Variants in PRDM15 observed in about 807,000 individuals in gnomAD.
PRDM15 encodes the protein PR domain zinc finger protein 15.
In PRDM15, 64 loss-of-function variants were observed where a neutral mutation model predicts 128.6. That is an observed-to-expected ratio of 0.50 (90% confidence interval 0.41 to 0.61). PRDM15 has a LOEUF of 0.61. Ranked by LOEUF, PRDM15 falls within the 20% of genes least tolerant of loss-of-function variation. PRDM15 has a pLI of 0.00. For synonymous variants in PRDM15, 615 were observed against 621.8 expected, an observed-to-expected ratio of 0.99 and a Z score of 0.16; for missense variants, 1,242 against 1,569.1, an observed-to-expected ratio of 0.79 and a Z score of 3.52.
chr21:41,854,860 G>A lies in PRDM15; in HGVS notation c.286-42C>T, dbSNP rs757614818. On this transcript the variant is annotated intron_variant, in intron 4 of 23. Transcript: ENST00000398548. This position sits in a 1 kb window ranked among gnomAD's most constrained non-coding sequence, Gnocchi z 4.6. ...CCATGGAGAAGCCGGGGAAATGGCT[G>A]ATTACCCATCTGTGTATCAGCGTGT... The A allele has an allele frequency of 1.8e-5, 28 of 1,570,208 alleles. No individual in the cohort carries two copies. In the East Asian group the frequency reaches 5.6e-4, roughly 32 times the overall value.
chr21:41,839,337 C>T (rs931781291), intron 7 of PRDM15, among the ~76,000 whole-genome samples: 6 of 152,336 alleles, frequency 3.9e-5, no homozygotes, highest in Admixed American at 1.3e-4. Context: ...AAGTGGCTAA[C>T]GAGACAGAAA....
chr21:41,817,717 A>T (rs888728964), intron 18 of PRDM15, among the ~76,000 whole-genome samples: 1 of 152,220 alleles, frequency 6.6e-6, no homozygotes, highest in Non-Finnish European at 1.5e-5. Flanking sequence ...TAAAAAAAAA[A>T]TAGCAAAGTA....
In PRDM15 at chr21:41,810,896, G is replaced by C; in HGVS notation, c.2393-60C>G. On this transcript the variant is annotated intron_variant, in intron 19 of 23. Transcript: ENST00000398548. The surrounding 1 kb of genome is among the most constrained non-coding windows in gnomAD (Gnocchi z 6.4). ...AATGAGTGTTGTAAGTCCACATCAGGGCATGTCTTCTCCCTGACACGTTCC... is the reference window on the plus strand; with the variant it reads ...AATGAGTGTTGTAAGTCCACATCAGCGCATGTCTTCTCCCTGACACGTTCC... The C allele has an allele frequency of 6.7e-7, 1 of 1,500,820 alleles. No individual in the cohort carries two copies. The highest frequency in any genetic ancestry group is 9.3e-7 in the Non-Finnish European group (1 of 1,077,688). The allele number at this position is 1,500,820 out of a possible 1,614,324, so 93.0% of individuals were successfully genotyped here.
At chr21:41,875,398 A>G (rs1054683799) in intron 1 of PRDM15, among the ~76,000 whole-genome samples, 1 of 152,242 alleles carries the variant, frequency 6.6e-6, no homozygotes, top group Non-Finnish European at 1.5e-5. Flanking sequence ...TTTTGCCAGT[A>G]TCCCCATGAA....
In PRDM15 at chr21:41,871,071, T is replaced by C. The variant is rs369555970; in HGVS notation, c.-10+8199A>G. On this transcript the variant is annotated intron_variant, in intron 1 of 23. Coordinates refer to ENST00000398548, the MANE Select transcript of PRDM15 (RefSeq NM_001040424.3). Reference sequence around the variant, plus strand: ...TACAGACATACAGATAAAACACAGATACAGACATGTAGATAAAACACAGAT... The same window carrying C: ...TACAGACATACAGATAAAACACAGACACAGACATGTAGATAAAACACAGAT... Among the ~76,000 whole-genome samples the C allele has an allele frequency of 5.3e-5, 8 of 152,272 alleles. No individual in the cohort carries two copies. In the East Asian group the frequency reaches 9.6e-4, roughly 18 times the overall value.
Position 41,839,695 on chromosome 21 carries a change from G to A in PRDM15, c.799C>T (p.Arg267Ter), listed in dbSNP as rs757432215. 1.2e-6 allele frequency: 2 copies of A among 1,614,226 alleles called. No individual in the cohort carries two copies. The highest frequency in any genetic ancestry group is 1.7e-5 in the Admixed American group (1 of 60,028). The change falls in exon 7 of 24, where the codon CGA becomes TGA. Residue 267 changes from arginine to a stop codon, truncating the protein, a stop_gained. Transcript: ENST00000398548. LOFTEE classifies it high-confidence loss of function. ...GACACTTTGGGTTTTCTCCCCCTTC[G>A]AGGCTTTTTCTTCTGTTCTTTGGTG... ...VATKEQKKKP[R>*]RGRKPKVSKA...
chr21:41,815,561 C>T, intron 19 of PRDM15, 144 bp downstream of exon 19: 1 of 1,132,462 alleles, frequency 8.8e-7, no homozygotes, highest in Non-Finnish European at 1.2e-6. Context: ...ACCCCGGCCC[C>T]AGGAAGCTCT....
chr21:41,871,440 C>T (rs561332656), intron 1 of PRDM15: 11 of 1,442,032 alleles, frequency 7.6e-6, no homozygotes, highest in Admixed American at 4.3e-5. Flanking sequence ...GTTAAAGCCA[C>T]AGGCTGTCCC....
In PRDM15 at chr21:41,839,783, G is replaced by A. The variant is rs377662048; in HGVS notation, c.711C>T (p.Pro237=). The stretch of plus-strand genomic sequence containing the variant: ...CCCGGGGTGTGTCCTGCTCCTTCTC[G>A]GGAGCTGCTGCCTCGCTTTGGCTGC... The part of the protein sequence containing the change: ...PPGSQSEAAA[P]EKEQDTPRGE... Residue 237 remains proline (P), a synonymous_variant, in exon 7 of 24, where the codon CCC becomes CCT. Transcript: ENST00000398548. 166 of 1,614,120 alleles carry A rather than the reference G, an allele frequency of 1.0e-4. No individual in the cohort carries two copies. The highest frequency in any genetic ancestry group is 1.3e-4 in the Non-Finnish European group (148 of 1,180,056).
intron 3 of PRDM15, chr21:41,858,950 A>G (rs1426938365): frequency 1.8e-6 from 2 of 1,132,218 alleles, no homozygotes; most frequent in Non-Finnish European, 2.5e-6. Flanking sequence ...ATCACCCACA[A>G]CACCACAACC....
chr21:41,801,482 G>C lies in PRDM15; in HGVS notation c.3184C>G (p.Gln1062Glu). 1 of 1,614,216 alleles carries C rather than the reference G, an allele frequency of 6.2e-7. No homozygotes were observed. The highest frequency in any genetic ancestry group is 8.5e-7 in the Non-Finnish European group (1 of 1,180,034). The change falls in exon 24 of 24, where the codon CAG (glutamine) becomes GAG (glutamate). Residue 1062 changes from glutamine to glutamate, a missense_variant. By Grantham distance (29) the Gln-to-Glu change is conservative. This residue lies in a region of PRDM15 where 602 missense variants were observed against 788.3 expected (regional missense o/e 0.76). Coordinates refer to ENST00000398548, the MANE Select transcript of PRDM15 (RefSeq NM_001040424.3). ...GAGGCTTCCGGCTGGGGGTGGATCT[G>C]GACGTCATTTTGGCGGTTGTGCAAC... Reference protein sequence around the residue: ...AMLHNRQNDVQIHPQPEASNP... With the variant: ...AMLHNRQNDVEIHPQPEASNP...
At chr21:41,870,727 A>G (rs960834476) in intron 1 of PRDM15, 6 of 152,224 alleles carry the variant, frequency 3.9e-5, no homozygotes, top group African/African-American at 1.2e-4. Flanking sequence ...TTATTTGGGC[A>G]AAGAGCACCT....
intron 11 of PRDM15, among the ~76,000 whole-genome samples, chr21:41,831,119 A>G (rs1397630241): frequency 6.6e-6 from 1 of 152,224 alleles, no homozygotes; most frequent in African/African-American, 2.4e-5. Context: ...TCACCCATGG[A>G]CCAGCTCCCA....
rs768998241 is a variant in PRDM15, at chr21:41,801,273, C to T, written c.3393G>A (p.Ala1131=). The part of the protein sequence containing the change: ...PQQAAQPQVQ[A]EQQQQQMYSY ...TGTACATCTGCTGCTGCTGCTGCTC[C>T]GCCTGCACCTGGGGCTGGGCCGCCT... The change falls in exon 24 of 24, where the codon GCG becomes GCA. Residue 1131 remains alanine, a synonymous_variant. Coordinates refer to ENST00000398548, the MANE Select transcript of PRDM15 (RefSeq NM_001040424.3). The T allele has an allele frequency of 1.2e-4, 178 of 1,540,880 alleles. 1 individual carries two copies. The East Asian group carries it at 1.8e-3, about 15-fold the overall frequency.
chr21:41,879,093 T>A lies in PRDM15; in HGVS notation c.-10+177A>T. Reference sequence around the variant, plus strand: ...GCCAACGGTGCCCGCAGCCGGCGAATGTAACAAAGAACAGTCGGCATGGCG... The same window carrying A: ...GCCAACGGTGCCCGCAGCCGGCGAAAGTAACAAAGAACAGTCGGCATGGCG... On this transcript the variant is annotated intron_variant, in intron 1 of 23. Coordinates refer to ENST00000398548, the MANE Select transcript of PRDM15 (RefSeq NM_001040424.3). This position sits in a 1 kb window ranked among gnomAD's most constrained non-coding sequence, Gnocchi z 5.1. 8.9e-7 allele frequency: 1 copy of A among 1,125,374 alleles called. No individual in the cohort carries two copies. Among genetic ancestry groups the A allele is most frequent in the Non-Finnish European group, 1.1e-6 (1 of 895,446 alleles). 69.7% of individuals were successfully genotyped at this position (1,125,374 alleles called of 1,614,324 possible). A position where few individuals can be genotyped will look rare whatever the true frequency, so the allele number is the denominator to read the frequency against.
In PRDM15 at chr21:41,800,296, C is replaced by T. The variant is rs1369782366; in HGVS notation, c.*944G>A. ...GGATACATTTGGATTGCAGAGAATC[C>T]TGAGACAACCCGGAGGAGCCCCTGG... On this transcript the variant is annotated 3_prime_UTR_variant, in exon 24 of 24. Coordinates refer to ENST00000398548, the MANE Select transcript of PRDM15 (RefSeq NM_001040424.3). The T allele has an allele frequency of 1.3e-5, 2 of 152,288 alleles. No homozygotes were observed. The highest frequency in any genetic ancestry group is 2.9e-5 in the Non-Finnish European group (2 of 68,042). 9.4% of individuals were successfully genotyped at this position (152,288 alleles called of 1,614,324 possible).
chr21:41,801,588 G>T lies in PRDM15; in HGVS notation c.3078C>A (p.His1026Gln). The T allele has an allele frequency of 6.2e-7, 1 of 1,614,170 alleles. No individual in the cohort carries two copies. The highest frequency in any genetic ancestry group is 8.5e-7 in the Non-Finnish European group (1 of 1,180,030). The change falls in exon 24 of 24, where the codon CAC (histidine) becomes CAA (glutamine). Residue 1026 changes from histidine to glutamine, a missense_variant. This residue lies in a region of PRDM15 where 602 missense variants were observed against 788.3 expected (regional missense o/e 0.76). Coordinates refer to ENST00000398548, the MANE Select transcript of PRDM15 (RefSeq NM_001040424.3). ...FTNLQPVAVG[H>Q]LTTPERQLQL... ...GTAACTGGCGTTCAGGGGTGGTAAG[G>T]TGCCCCACGGCCACCGGCTGGAGAT...
chr21:41,855,533 G>A (rs2063552827), intron 4 of PRDM15, among the ~76,000 whole-genome samples: 1 of 152,180 alleles, frequency 6.6e-6, no homozygotes, highest in Non-Finnish European at 1.5e-5. Context: ...CGGAGCCCTT[G>A]GAAGTGAGAG....
At chr21:41,870,726 C>T (rs2064180077) in intron 1 of PRDM15, 1 of 152,186 alleles carries the variant, frequency 6.6e-6, no homozygotes, top group Admixed American at 6.5e-5. Flanking sequence ...TTTATTTGGG[C>T]AAAGAGCACC....
Sources: gnomAD v4.1 joint callset for allele counts (sites outside exome capture counted in the v4.1 genomes callset) on GRCh38, gnomAD v4.1.1 for gene constraint, gnomAD v4.1.1 regional missense constraint, Gnocchi (gnomAD v3.1) non-coding constraint, MANE v1.5 for transcripts, NCBI Gene and HGNC (gene_info 2026-07-23, HGNC 2026-07-21) for gene names.